STRN3: variants seen among roughly 807,000 people sequenced by gnomAD.
The protein encoded by STRN3 is striatin-3.
STRN3 carries 29 observed loss-of-function variants against 95.6 expected under a neutral mutation model. That is an observed-to-expected ratio of 0.30 (90% CI 0.23 to 0.41). The LOEUF is 0.41. Among genes scored for constraint, STRN3 ranks in the 10% least tolerant of loss-of-function variants. STRN3 has a pLI of 1.00. For missense variants in STRN3, 890 were observed against 972.1 expected (o/e 0.92, Z 1.12); for synonymous variants, 331 against 357.6 (o/e 0.93, Z 0.84).
intron 5 of STRN3, among the ~76,000 whole-genome samples, chr14:30,946,734 T>C (rs891078130): frequency 6.6e-6 from 1 of 152,160 alleles, no homozygotes; most frequent in African/African-American, 2.4e-5. Context: ...TCCCAGCACT[T>C]TGGGAGGCCA....
At chr14:30,942,132 ATTTT>A (rs1482043949) in intron 5 of STRN3, among the ~76,000 whole-genome samples, 4 of 151,882 alleles carry the variant, frequency 2.6e-5, no homozygotes, top group African/African-American at 9.7e-5. Context: ...CCATTCCTCC[ATTTT>A]CTTTCTGGAT....
chr14:31,010,028 A>C (rs764046478), intron 1 of STRN3, among the ~76,000 whole-genome samples: 2 of 152,192 alleles, frequency 1.3e-5, no homozygotes, highest in Non-Finnish European at 2.9e-5. Flanking sequence ...GCTTGAGCCC[A>C]GAAGGACAAA....
intron 16 of STRN3, among the ~76,000 whole-genome samples, chr14:30,902,045 C>T (rs929272639): frequency 5.3e-5 from 8 of 151,648 alleles, no homozygotes; most frequent in African/African-American, 1.9e-4. Flanking sequence ...GTGGTGCATG[C>T]CTGTAATCCC....
chr14:30,895,226 C>G lies in STRN3; in HGVS notation c.*185G>C. 2 of 624,230 alleles carry G rather than the reference C, an allele frequency of 3.2e-6. No homozygotes were observed. Among genetic ancestry groups the G allele is most frequent in the Non-Finnish European group, 5.3e-6 (2 of 379,592 alleles). 38.7% of individuals were successfully genotyped at this position (624,230 alleles called of 1,614,324 possible). Reference sequence around the variant, plus strand: ...CCTTTTTTCTTTGTCCCACAAAATACAGTAATTACAGTTAACTTAATGAGC... The same window carrying G: ...CCTTTTTTCTTTGTCCCACAAAATAGAGTAATTACAGTTAACTTAATGAGC... On this transcript the variant is annotated 3_prime_UTR_variant, in exon 18 of 18. Transcript: ENST00000357479.
rs368184362 is a variant in STRN3, at chr14:30,936,726, C to T, written c.717-102G>A. 56 of 1,350,932 alleles carry T rather than the reference C, an allele frequency of 4.1e-5. No individual in the cohort carries two copies. In the African/African-American group the frequency reaches 7.1e-4, roughly 17 times the overall value. The allele number at this position is 1,350,932 out of a possible 1,614,324, so 83.7% of individuals were successfully genotyped here. A position where few individuals can be genotyped will look rare whatever the true frequency, so the allele number is the denominator to read the frequency against. On this transcript the variant is annotated intron_variant, in intron 5 of 17. Coordinates refer to ENST00000357479, the MANE Select transcript of STRN3 (RefSeq NM_001083893.2). ...ATCAATTCTTAAAACTAGAGAGATT[C>T]GAATGACTACCTACTGTCTGAGGGC...
chr14:30,909,776 C>A (rs1294086361), intron 13 of STRN3, among the ~76,000 whole-genome samples: 1 of 152,106 alleles, frequency 6.6e-6, no homozygotes, highest in Non-Finnish European at 1.5e-5. Context: ...TTGTGTCCAG[C>A]CTGAACTGTA....
intron 1 of STRN3, among the ~76,000 whole-genome samples, chr14:31,006,597 A>C (rs1392973078): frequency 6.6e-6 from 1 of 152,156 alleles, no homozygotes; most frequent in African/African-American, 2.4e-5. Context: ...TGGGAGGCTA[A>C]GACAGGAGAA....
At chr14:30,960,526 G>T (rs1480348749) in intron 1 of STRN3, among the ~76,000 whole-genome samples, 2 of 152,088 alleles carry the variant, frequency 1.3e-5, no homozygotes, top group African/African-American at 4.8e-5. Flanking sequence ...AGAAAAAAAT[G>T]GTTGCTTCAA....
chr14:30,984,347 T>C (rs1881574592), intron 1 of STRN3, among the ~76,000 whole-genome samples: 1 of 147,440 alleles, frequency 6.8e-6, no homozygotes, highest in Non-Finnish European at 1.5e-5. Context: ...GAGACTGCAG[T>C]GAGCTGAGAT....
At chr14:30,990,740 T>G (rs1881914666) in intron 1 of STRN3, among the ~76,000 whole-genome samples, 1 of 152,206 alleles carries the variant, frequency 6.6e-6, no homozygotes, top group South Asian at 2.1e-4. Context: ...GGTGTAGTAT[T>G]TGCATATAAC....
rs375150047 is a variant in STRN3, at chr14:30,936,708, C to G, written c.717-84G>C. 7.4e-6 allele frequency: 11 copies of G among 1,492,936 alleles called. No homozygotes were observed. In the East Asian group the frequency reaches 1.4e-4, roughly 19 times the overall value. The allele number at this position is 1,492,936 out of a possible 1,614,324, so 92.5% of individuals were successfully genotyped here. A position where few individuals can be genotyped will look rare whatever the true frequency, so the allele number is the denominator to read the frequency against. On this transcript the variant is annotated intron_variant, in intron 5 of 17. Coordinates refer to ENST00000357479, the MANE Select transcript of STRN3 (RefSeq NM_001083893.2). ...TTCTGGTTCCCATTTTAAATCAATT[C>G]TTAAAACTAGAGAGATTCGAATGAC...
At chr14:30,977,764 A>T (rs1164696792) in intron 1 of STRN3, among the ~76,000 whole-genome samples, 2 of 143,008 alleles carry the variant, frequency 1.4e-5, no homozygotes, top group Non-Finnish European at 3.0e-5. Context: ...ATTGCTCTCC[A>T]GCCAGGCAAA....
At chr14:30,964,947 T>TCTTG (rs1312361869) in intron 1 of STRN3, among the ~76,000 whole-genome samples, 1 of 149,464 alleles carries the variant, frequency 6.7e-6, no homozygotes, top group African/African-American at 2.5e-5. Flanking sequence ...AAAAAGAGAG[T>TCTTG]CTTGGTCTTG....
Position 30,950,912 on chromosome 14 carries a change from G to A in STRN3, c.493C>T (p.Pro165Ser), listed in dbSNP as rs1879607391. Residue 165 changes from proline to serine, a missense_variant, in exon 4 of 18, where the codon CCT becomes TCT. Around this residue, in one of 3 missense-constraint regions of STRN3, gnomAD observed 526 missense variants for 526.3 expected, o/e 1.00. Transcript: ENST00000357479. ...ETKDTEAPTA[P>S]QNSQLTWKQG... ...TTCCACGTTAACTGGCTATTCTGAG[G>A]TGCTGTGGGAGCCTCTGTGTCTTTG... 2 of 1,613,628 alleles carry A rather than the reference G, an allele frequency of 1.2e-6. No homozygotes were observed. The highest frequency in any genetic ancestry group is 1.7e-6 in the Non-Finnish European group (2 of 1,179,902).
intron 1 of STRN3, among the ~76,000 whole-genome samples, chr14:30,959,474 C>T (rs544935185): frequency 1.7e-4 from 26 of 152,154 alleles, no homozygotes; most frequent in African/African-American, 6.0e-4. Flanking sequence ...AGAGGGTAAA[C>T]TGATTGAAAA....
chr14:30,961,527 A>G (rs1255882978), intron 1 of STRN3, among the ~76,000 whole-genome samples: 4 of 152,248 alleles, frequency 2.6e-5, no homozygotes, highest in South Asian at 4.1e-4. Context: ...GTTTGTCCTG[A>G]TGGTTATAAA....
Position 30,902,599 on chromosome 14 carries a change from T to G in STRN3, c.2074A>C (p.Thr692Pro). ...NHINRVVSHP[T>P]LPVTITAHED... is the part of the protein sequence containing the mutation. ...TGAGCAGTTATTGTAACAGGAAGTG[T>G]GGGATGACTTACTACTCTGTTGATA... is the stretch of plus-strand genomic sequence containing the variant. Residue 692 changes from threonine (T) to proline (P), a missense_variant, in exon 16 of 18, where the codon ACA becomes CCA. Physicochemically the swap from Thr to Pro is conservative, Grantham distance 38. Coordinates refer to ENST00000357479, the MANE Select transcript of STRN3 (RefSeq NM_001083893.2). 1 of 1,609,106 alleles carries G rather than the reference T, an allele frequency of 6.2e-7. No individual in the cohort carries two copies. The highest frequency in any genetic ancestry group is 8.5e-7 in the Non-Finnish European group (1 of 1,178,186).
At chr14:30,943,371 A>G (rs1466370687) in intron 5 of STRN3, among the ~76,000 whole-genome samples, 1 of 152,178 alleles carries the variant, frequency 6.6e-6, no homozygotes, top group African/African-American at 2.4e-5. Context: ...TGCTTGGGGC[A>G]GGAGGGTTAC....
chr14:30,994,280 G>A (rs960559018), intron 1 of STRN3, among the ~76,000 whole-genome samples: 2 of 152,062 alleles, frequency 1.3e-5, no homozygotes, highest in African/African-American at 4.8e-5. Context: ...CATGAGCCAC[G>A]GCCACCCAGC....
Sources: gnomAD v4.1 joint callset for allele counts (sites outside exome capture counted in the v4.1 genomes callset) on GRCh38, gnomAD v4.1.1 for gene constraint, gnomAD v4.1.1 regional missense constraint, MANE v1.5 for transcripts, NCBI Gene and HGNC (gene_info 2026-07-23, HGNC 2026-07-21) for gene names.